CLASP1: variants seen among roughly 807,000 people sequenced by gnomAD.
The protein encoded by CLASP1 is CLIP-associating protein 1.
Under a neutral mutation model 192.3 loss-of-function variants are expected in CLASP1, and 38 were observed. The ratio of observed to expected loss-of-function variants is 0.20; its 90% CI spans 0.15 to 0.26. The LOEUF (loss-of-function observed/expected upper bound fraction) is 0.26, where lower values mean the gene tolerates loss of function less well. Among genes scored for constraint, CLASP1 ranks in the 10% least tolerant of loss-of-function variants. The pLI is 1.00. For synonymous variants in CLASP1, 691 were observed against 712.8 expected (o/e 0.97, Z 0.49); for missense variants, 1,433 against 1,932.5 (o/e 0.74, Z 4.85).
chr2:121,530,865 G>C (rs185470445), intron 2 of CLASP1: 6 of 678,522 alleles, frequency 8.8e-6, no homozygotes, highest in Non-Finnish European at 1.6e-5. Context: ...TTGCAGCCCA[G>C]GGACTTTCTA....
intron 23 of CLASP1, among the ~76,000 whole-genome samples, chr2:121,414,792 C>T (rs148324163): frequency 9.8e-4 from 149 of 152,126 alleles, no homozygotes; most frequent in Non-Finnish European, 1.7e-3. Flanking sequence ...ATTATTATTA[C>T]TATTGTTTTG....
At chr2:121,523,113 C>T (rs193288498) in intron 6 of CLASP1, among the ~76,000 whole-genome samples, 56 of 152,342 alleles carry the variant, frequency 3.7e-4, no homozygotes, top group Non-Finnish European at 6.3e-4. Context: ...ACCCCAAGGT[C>T]AGCTATTACA....
chr2:121,609,568 T>C (rs2064922294), intron 1 of CLASP1, among the ~76,000 whole-genome samples: 1 of 152,210 alleles, frequency 6.6e-6, no homozygotes, highest in Non-Finnish European at 1.5e-5. Flanking sequence ...ATTAATCACA[T>C]AGTTCCAAAT....
At chr2:121,416,144 C>T (rs2078533473) in intron 23 of CLASP1, among the ~76,000 whole-genome samples, 1 of 152,096 alleles carries the variant, frequency 6.6e-6, no homozygotes, top group Admixed American at 6.5e-5. Context: ...AAAAGTGGTC[C>T]TTTAGTTCAG....
intron 2 of CLASP1, among the ~76,000 whole-genome samples, chr2:121,590,889 A>G (rs2062313802): frequency 7.2e-6 from 1 of 139,300 alleles, no homozygotes; most frequent in Non-Finnish European, 1.5e-5. Context: ...TTTTTTTGAG[A>G]TGGAGTCTCG....
At chr2:121,537,115 G>A (rs1380996988) in intron 2 of CLASP1, among the ~76,000 whole-genome samples, 1 of 152,094 alleles carries the variant, frequency 6.6e-6, no homozygotes, top group African/African-American at 2.4e-5. Flanking sequence ...TAAAAGGCCG[G>A]GCACAGTGGC....
In CLASP1 at chr2:121,384,067, T is replaced by C. The variant is rs919418357; in HGVS notation, c.3375-1743A>G. On this transcript the variant is annotated intron_variant, in intron 32 of 39. Coordinates refer to ENST00000263710, the Ensembl canonical transcript of CLASP1. ...ATATATACACACATATATGTATATA[T>C]ACACACACACATATATATGTATATA... is the stretch of plus-strand genomic sequence containing the variant. 1.4e-4 allele frequency among the ~76,000 whole-genome samples: 19 copies of C among 136,470 alleles called. No homozygotes were observed. In the East Asian group the frequency reaches 1.6e-3, roughly 11 times the overall value. 89.5% of individuals were successfully genotyped at this position (136,470 alleles called of 152,430 possible).
At chr2:121,401,556 T>C (rs1170455295) in exon 28 of CLASP1, 3 of 1,613,408 alleles carry the variant, frequency 1.9e-6, no homozygotes, top group Non-Finnish European at 2.5e-6. Flanking sequence ...CAGATCCAAG[T>C]AAATCTGCTC....
intron 8 of CLASP1, among the ~76,000 whole-genome samples, chr2:121,480,652 T>C (rs2092518952): frequency 6.6e-6 from 1 of 152,098 alleles, no homozygotes; most frequent in Non-Finnish European, 1.5e-5. Flanking sequence ...AAAAGGATGA[T>C]CCTGTCTACC....
At chr2:121,372,018 G>A (rs1341562776) in intron 34 of CLASP1, among the ~76,000 whole-genome samples, 1 of 152,188 alleles carries the variant, frequency 6.6e-6, no homozygotes, top group Non-Finnish European at 1.5e-5. Flanking sequence ...ATTGCAGACT[G>A]TAACTACGTG....
chr2:121,340,921 C>T (rs2062702224), exon 40 of CLASP1: 3 of 1,609,678 alleles, frequency 1.9e-6, no homozygotes, highest in Non-Finnish European at 2.5e-6. Context: ...TCTGGGCCCT[C>T]TTTATGTATA....
At chr2:121,435,109 C>A (rs2082079474) in intron 19 of CLASP1, among the ~76,000 whole-genome samples, 1 of 152,110 alleles carries the variant, frequency 6.6e-6, no homozygotes, top group African/African-American at 2.4e-5. Context: ...CAGCTTGAGG[C>A]TAAGAGTTTG....
At chr2:121,413,909 C>T (rs963139391) in intron 23 of CLASP1, among the ~76,000 whole-genome samples, 1 of 151,942 alleles carries the variant, frequency 6.6e-6, no homozygotes, top group African/African-American at 2.4e-5. Flanking sequence ...GTTGTTTTAA[C>T]GTAAATATGA....
chr2:121,548,772 A>T (rs569504303), intron 2 of CLASP1, among the ~76,000 whole-genome samples: 11 of 145,070 alleles, frequency 7.6e-5, no homozygotes, highest in South Asian at 4.4e-4. Flanking sequence ...ATTCTTAAAT[A>T]AAAAAAAAAA....
chr2:121,469,257 A>C (rs1027674718), intron 9 of CLASP1, among the ~76,000 whole-genome samples: 1 of 152,038 alleles, frequency 6.6e-6, no homozygotes, highest in Admixed American at 6.6e-5. Flanking sequence ...AGACACACCA[A>C]CAGCTGCCAC....
intron 1 of CLASP1, among the ~76,000 whole-genome samples, chr2:121,611,689 TTGGAGG>T (rs2065547494): frequency 1.2e-5 from 1 of 80,812 alleles, no homozygotes; most frequent in Admixed American, 1.3e-4. Flanking sequence ...GGAGGAGGAG[TTGGAGG>T]AGTTACAGGA....
At chr2:121,395,391 C>A (rs1262523227) in intron 30 of CLASP1, among the ~76,000 whole-genome samples, 5 of 152,150 alleles carry the variant, frequency 3.3e-5, no homozygotes. Flanking sequence ...GAAATAATTT[C>A]CATATGGGTA....
intron 1 of CLASP1, among the ~76,000 whole-genome samples, chr2:121,613,982 T>C (rs1374544447): frequency 2.6e-5 from 4 of 152,230 alleles, no homozygotes; most frequent in African/African-American, 9.6e-5. Context: ...GTCACTCACA[T>C]GTCTGGGACT....
intron 9 of CLASP1, among the ~76,000 whole-genome samples, chr2:121,463,944 A>G (rs1004870173): frequency 2.0e-5 from 3 of 150,988 alleles, no homozygotes; most frequent in Non-Finnish European, 3.0e-5. Context: ...CGCTGCACCC[A>G]TTAACTCGTC....
Sources: gnomAD v4.1 joint callset for allele counts (sites outside exome capture counted in the v4.1 genomes callset) on GRCh38, gnomAD v4.1.1 for gene constraint, MANE v1.5 for transcripts, NCBI Gene and HGNC (gene_info 2026-07-23, HGNC 2026-07-21) for gene names.